PDE4B: variants seen among roughly 807,000 people sequenced by gnomAD.
PDE4B encodes the protein phosphodiesterase 4B.
Under a neutral mutation model 82.2 loss-of-function variants are expected in PDE4B, and 20 were observed. The ratio of observed to expected loss-of-function variants is 0.24; its 90% CI spans 0.17 to 0.35. The LOEUF is 0.35. PDE4B is among the 10% of genes least tolerant of loss of function. The pLI, the probability that PDE4B is intolerant of heterozygous loss-of-function variation, is 1.00. For missense variants in PDE4B, 655 were observed against 907.2 expected (o/e 0.72, Z 3.57); for synonymous variants, 320 against 318.9 (o/e 1.00, Z -0.04).
At chr1:66,118,297 A>C (rs1488069381) in intron 3 of PDE4B, among the ~76,000 whole-genome samples, 1 of 152,204 alleles carries the variant, frequency 6.6e-6, no homozygotes, top group Non-Finnish European at 1.5e-5. Context: ...CACTATTCAC[A>C]ATAGCAAAGA....
chr1:65,971,339 A>G (rs1017608861), intron 3 of PDE4B, among the ~76,000 whole-genome samples: 1 of 152,146 alleles, frequency 6.6e-6, no homozygotes, highest in Non-Finnish European at 1.5e-5. Context: ...AAACATCTCC[A>G]TTAAATTTTC....
intron 3 of PDE4B, among the ~76,000 whole-genome samples, chr1:65,958,981 G>A (rs913583659): frequency 6.6e-6 from 1 of 152,190 alleles, no homozygotes; most frequent in African/African-American, 2.4e-5. Flanking sequence ...TGTGTTCTGT[G>A]CTTCCCAGAT....
chr1:65,928,147 C>G (rs1237947533), intron 3 of PDE4B, among the ~76,000 whole-genome samples: 1 of 150,434 alleles, frequency 6.6e-6, no homozygotes, highest in African/African-American at 2.5e-5. Context: ...GAAAGATTCA[C>G]TGCTCAAATT....
At chr1:66,026,194 G>A (rs1653423507) in intron 3 of PDE4B, among the ~76,000 whole-genome samples, 1 of 152,098 alleles carries the variant, frequency 6.6e-6, no homozygotes, top group South Asian at 2.1e-4. Flanking sequence ...TCCTCAAGAG[G>A]TTCACATCCT....
At chr1:66,329,619 T>C (rs139468748) in intron 7 of PDE4B, among the ~76,000 whole-genome samples, 1 of 152,326 alleles carries the variant, frequency 6.6e-6, no homozygotes, top group Non-Finnish European at 1.5e-5. Context: ...TTAGGATTTC[T>C]CCAATTGCCA....
intron 7 of PDE4B, among the ~76,000 whole-genome samples, chr1:66,326,190 A>G (rs1348471522): frequency 6.6e-6 from 1 of 152,220 alleles, no homozygotes; most frequent in Non-Finnish European, 1.5e-5. Flanking sequence ...TGTTTTTTTA[A>G]ACTGGGCTTC....
intron 3 of PDE4B, among the ~76,000 whole-genome samples, chr1:66,045,914 G>C (rs1557521568): frequency 6.6e-6 from 1 of 151,742 alleles, no homozygotes; most frequent in Non-Finnish European, 1.5e-5. Context: ...GGAGTGGAAG[G>C]AGGGCAGGCT....
intron 7 of PDE4B, among the ~76,000 whole-genome samples, chr1:66,312,631 A>G (rs1658750506): frequency 6.6e-6 from 1 of 152,230 alleles, no homozygotes; most frequent in Non-Finnish European, 1.5e-5. Context: ...TTGCCATAGA[A>G]CAGCACATGT....
chr1:66,106,165 G>T (rs561617904), intron 3 of PDE4B, among the ~76,000 whole-genome samples: 1 of 152,022 alleles, frequency 6.6e-6, no homozygotes, highest in Non-Finnish European at 1.5e-5. Context: ...GTTGAATTTT[G>T]TCAAAGGCCT....
rs1338971212 is a variant in PDE4B, at chr1:66,067,450, A to AT, written c.281+148621dup. The stretch of plus-strand genomic sequence containing the variant: ...TCTCTGATGGCCAGTGATCATGAGC[A>AT]TTTTTTCATGTGTCTTTTGGCTGCA... On this transcript the variant is annotated intron_variant, in intron 3 of 16. Transcript: ENST00000341517. 4.6e-5 allele frequency among the ~76,000 whole-genome samples: 7 copies of AT among 151,876 alleles called. No homozygotes were observed. In the South Asian group the frequency reaches 1.5e-3, roughly 32 times the overall value.
intron 3 of PDE4B, among the ~76,000 whole-genome samples, chr1:66,204,233 T>C (rs509157): frequency 0.46 from 70,533 of 152,098 alleles, 16,573 homozygotes; most frequent in African/African-American, 0.53. Flanking sequence ...AGTACCCGGC[T>C]GTGTGAGGTG....
chr1:65,808,169 C>CT lies in PDE4B; in HGVS notation c.-71+14941dup, dbSNP rs920861530. Among the ~76,000 whole-genome samples, 860 of 128,970 alleles carry CT rather than the reference C, an allele frequency of 6.7e-3. 2 individuals carry two copies. Among genetic ancestry groups the CT allele is most frequent in the South Asian group, 0.013 (49 of 3,882 alleles). 84.6% of individuals were successfully genotyped at this position (128,970 alleles called of 152,430 possible). The stretch of plus-strand genomic sequence containing the variant: ...GGTCCATCAAGTAGGTAGACAAACA[C>CT]TTTTTTTTTTTTTTTTTTTTGAAGC... On this transcript the variant is annotated intron_variant, in intron 1 of 16. Transcript: ENST00000341517.
At chr1:66,109,397 A>T (rs1297570774) in intron 3 of PDE4B, among the ~76,000 whole-genome samples, 1 of 151,808 alleles carries the variant, frequency 6.6e-6, no homozygotes, top group African/African-American at 2.4e-5. Flanking sequence ...AGAGATGAGG[A>T]TGGGGGAATG....
intron 3 of PDE4B, among the ~76,000 whole-genome samples, chr1:66,075,072 GTGT>G (rs772618708): frequency 3.0e-4 from 46 of 152,024 alleles, no homozygotes; most frequent in Non-Finnish European, 5.6e-4. Flanking sequence ...AGCAGCAGAA[GTGT>G]TGTTTCTTGT....
At chr1:66,196,935 T>C (rs1272312982) in intron 3 of PDE4B, among the ~76,000 whole-genome samples, 1 of 151,812 alleles carries the variant, frequency 6.6e-6, no homozygotes, top group African/African-American at 2.4e-5. Context: ...AATATGCACA[T>C]GTACCCTAAA....
At chr1:66,292,009 A>G (rs975317184) in intron 7 of PDE4B, among the ~76,000 whole-genome samples, 2 of 152,148 alleles carry the variant, frequency 1.3e-5, no homozygotes, top group African/African-American at 4.8e-5. Flanking sequence ...ATTAGAGCCA[A>G]ATGGTACTCA....
intron 3 of PDE4B, among the ~76,000 whole-genome samples, chr1:66,163,288 T>C (rs532622209): frequency 6.6e-6 from 1 of 152,330 alleles, no homozygotes; most frequent in South Asian, 2.1e-4. Context: ...CTGATGTTTG[T>C]TGAAATTAAA....
intron 3 of PDE4B, among the ~76,000 whole-genome samples, chr1:65,925,437 A>G (rs1000933491): frequency 9.2e-5 from 14 of 152,200 alleles, no homozygotes; most frequent in African/African-American, 3.4e-4. Context: ...AATTTCACAA[A>G]TTGGACACAA....
At chr1:66,176,526 A>G (rs555443505) in intron 3 of PDE4B, among the ~76,000 whole-genome samples, 45 of 152,368 alleles carry the variant, frequency 3.0e-4, no homozygotes, top group Non-Finnish European at 5.1e-4. Flanking sequence ...ATAGCCCTCA[A>G]TTTATTCAAA....
Sources: allele counts gnomAD v4.1 joint callset (sites outside exome capture counted in the v4.1 genomes callset), GRCh38; gene constraint gnomAD v4.1.1; transcripts MANE v1.5; gene names NCBI Gene and HGNC (gene_info 2026-07-23, HGNC 2026-07-21).